Variants in RABGAP1 observed in about 807,000 individuals in gnomAD.
The protein encoded by RABGAP1 is RAB GTPase activating protein 1.
A neutral mutation model predicts 137.6 loss-of-function variants in RABGAP1; 23 were observed. The ratio of observed to expected loss-of-function variants is 0.17; its 90% CI spans 0.12 to 0.24. The LOEUF (loss-of-function observed/expected upper bound fraction) is 0.24. Among genes scored for constraint, RABGAP1 ranks in the 10% least tolerant of loss-of-function variants. The pLI is 1.00. For synonymous variants in RABGAP1, 451 were observed against 450.7 expected (o/e 1.00, Z -0.01); for missense variants, 906 against 1,275.8 (o/e 0.71, Z 4.42).
chr9:122,957,224 C>A lies in RABGAP1; in HGVS notation c.150+15C>A. The A allele has an allele frequency of 1.3e-6, 2 of 1,493,942 alleles. No individual in the cohort carries two copies. Among genetic ancestry groups the A allele is most frequent in the Non-Finnish European group, 1.8e-6 (2 of 1,100,698 alleles). 92.5% of individuals were successfully genotyped at this position (1,493,942 alleles called of 1,614,324 possible). Reference sequence around the variant, plus strand: ...CAGGACTCAAGGTAAAACTCCCTAACCTAAGATTGTTTTGCTTAGCTTTTC... The same window carrying A: ...CAGGACTCAAGGTAAAACTCCCTAAACTAAGATTGTTTTGCTTAGCTTTTC... On this transcript the variant is annotated intron_variant, in intron 2 of 25. Transcript: ENST00000373647.
chr9:123,088,544 C>G (rs1020159453), intron 19 of RABGAP1, among the ~76,000 whole-genome samples: 2 of 152,092 alleles, frequency 1.3e-5, no homozygotes, highest in Non-Finnish European at 2.9e-5. Context: ...AAAAATCAGC[C>G]AGGTGTGGTG....
Position 123,035,383 on chromosome 9 carries a change from T to C in RABGAP1, c.1794+14924T>C, listed in dbSNP as rs781755183. On this transcript the variant is annotated intron_variant, in intron 13 of 25. Coordinates refer to ENST00000373647, the MANE Select transcript of RABGAP1 (RefSeq NM_012197.4). ...CTGGTTGCCATATATCATCTACTTC[T>C]TGTTGGAAAGCTCCACTGGCCACAG... 6.8e-6 allele frequency: 11 copies of C among 1,614,064 alleles called. No individual in the cohort carries two copies. In the Admixed American group the frequency reaches 1.8e-4, roughly 27 times the overall value.
At chr9:122,993,303 C>T (rs984958805) in intron 6 of RABGAP1, among the ~76,000 whole-genome samples, 2 of 151,730 alleles carry the variant, frequency 1.3e-5, no homozygotes, top group African/African-American at 4.8e-5. Flanking sequence ...GGAGTTTTTC[C>T]TCTTGTCACT....
chr9:123,015,641 G>A lies in RABGAP1; in HGVS notation c.1643+5G>A. On this transcript the variant is annotated splice_donor_5th_base_variant and intron_variant, in intron 12 of 25. Transcript: ENST00000373647. ...GGGAGAACTGTTGTCAAAATGGTAAGTTATGATAGAATAGTTTTTTTTATC... is the reference window on the plus strand; with the variant it reads ...GGGAGAACTGTTGTCAAAATGGTAAATTATGATAGAATAGTTTTTTTTATC... 1 of 1,589,974 alleles carries A rather than the reference G, an allele frequency of 6.3e-7. No homozygotes were observed. The highest frequency in any genetic ancestry group is 8.6e-7 in the Non-Finnish European group (1 of 1,160,146).
At chr9:123,031,643 C>T (rs1340273847) in intron 13 of RABGAP1, among the ~76,000 whole-genome samples, 1 of 152,172 alleles carries the variant, frequency 6.6e-6, no homozygotes, top group Non-Finnish European at 1.5e-5. Context: ...GACTTGGTGA[C>T]TCAGAACTAA....
chr9:123,038,063 A>G (rs758536800), intron 13 of RABGAP1, among the ~76,000 whole-genome samples: 4 of 152,150 alleles, frequency 2.6e-5, no homozygotes, highest in Admixed American at 6.5e-5. Context: ...CTGATGTTAT[A>G]TTTGTAAACT....
intron 13 of RABGAP1, among the ~76,000 whole-genome samples, chr9:123,029,053 G>A (rs779697394): frequency 2.0e-5 from 3 of 152,140 alleles, no homozygotes; most frequent in East Asian, 1.9e-4. Context: ...AGCGAGACCC[G>A]TTAATAATTC....
chr9:122,973,107 C>T (rs1017967511), intron 2 of RABGAP1, among the ~76,000 whole-genome samples: 5 of 151,732 alleles, frequency 3.3e-5, no homozygotes, highest in African/African-American at 1.2e-4. Context: ...AAAAGCAGAA[C>T]ATGTATTTTC....
intron 19 of RABGAP1, among the ~76,000 whole-genome samples, chr9:123,086,405 G>T (rs2034866547): frequency 6.6e-6 from 1 of 152,166 alleles, no homozygotes; most frequent in African/African-American, 2.4e-5. Context: ...GACAGTTCTG[G>T]CCTGGAGAAG....
chr9:122,951,916 T>C (rs999961316), intron 1 of RABGAP1, among the ~76,000 whole-genome samples: 6 of 152,212 alleles, frequency 3.9e-5, no homozygotes, highest in African/African-American at 1.4e-4. Context: ...CATTTTATGC[T>C]GGGGTACATA....
chr9:122,988,258 CT>C (rs757699259), intron 4 of RABGAP1, among the ~76,000 whole-genome samples: 34 of 152,136 alleles, frequency 2.2e-4, no homozygotes, highest in Non-Finnish European at 3.5e-4. Flanking sequence ...GTGTTAGATC[CT>C]CTTCCTAGGT....
At chr9:122,983,743 G>A (rs1251186063) in intron 2 of RABGAP1, among the ~76,000 whole-genome samples, 2 of 152,066 alleles carry the variant, frequency 1.3e-5, no homozygotes, top group African/African-American at 4.8e-5. Flanking sequence ...TATTTCTTAA[G>A]CATTTAGTGA....
chr9:122,992,271 TCAAG>T (rs1238569131), intron 6 of RABGAP1, among the ~76,000 whole-genome samples: 8 of 152,182 alleles, frequency 5.3e-5, no homozygotes, highest in Admixed American at 5.2e-4. Context: ...ACTCCCGGCC[TCAAG>T]TGATCCATTT....
intron 2 of RABGAP1, among the ~76,000 whole-genome samples, chr9:122,970,939 A>G (rs1027490519): frequency 1.3e-5 from 2 of 152,224 alleles, no homozygotes; most frequent in Non-Finnish European, 2.9e-5. Context: ...CAAGGAACAA[A>G]AACAAAGAGG....
Position 123,065,439 on chromosome 9 carries a change from A to T in RABGAP1, c.1886A>T (p.Asp629Val). 6.2e-7 allele frequency: 1 copy of T among 1,605,170 alleles called. No individual in the cohort carries two copies. Among genetic ancestry groups the T allele is most frequent in the Non-Finnish European group, 8.5e-7 (1 of 1,172,010 alleles). ...AAGGACACAGGAGGAGATGGACAAGATTCCTTATATAAAATATGCAAGGTA... is the reference window on the plus strand; with the variant it reads ...AAGGACACAGGAGGAGATGGACAAGTTTCCTTATATAAAATATGCAAGGTA... ...YFKDTGGDGQ[D>V]SLYKICKAYS... Residue 629 changes from aspartate to valine, a missense_variant, in exon 14 of 26, where the codon GAT becomes GTT. Transcript: ENST00000373647.
intron 2 of RABGAP1, among the ~76,000 whole-genome samples, chr9:122,970,400 T>A (rs554103617): frequency 3.3e-5 from 5 of 152,302 alleles, no homozygotes; most frequent in Admixed American, 2.0e-4. Context: ...TGCCTGTGAA[T>A]AGCCACTGCA....
In RABGAP1 at chr9:123,073,473, T is replaced by C. The variant is rs189594341; in HGVS notation, c.1984-79T>C. ...GGCAATAATATAAAGCTGGATTTAA[T>C]ATCCTGAGAAAACTTCTGTATGTTT... is the stretch of plus-strand genomic sequence containing the variant. On this transcript the variant is annotated intron_variant, in intron 15 of 25. Transcript: ENST00000373647. 2.8e-4 allele frequency: 425 copies of C among 1,512,464 alleles called. No homozygotes were observed. In the African/African-American group the frequency reaches 5.3e-3, roughly 19 times the overall value. 93.7% of individuals were successfully genotyped at this position (1,512,464 alleles called of 1,614,324 possible). A position where few individuals can be genotyped will look rare whatever the true frequency, so the allele number is the denominator to read the frequency against.
chr9:123,033,818 C>T (rs937615976), intron 13 of RABGAP1: 80 of 152,168 alleles, frequency 5.3e-4, no homozygotes, highest in African/African-American at 1.8e-3. Flanking sequence ...ATATTGGAAT[C>T]AATGAAGAAA....
intron 19 of RABGAP1, among the ~76,000 whole-genome samples, chr9:123,084,085 C>T (rs756736850): frequency 6.6e-6 from 1 of 152,292 alleles, no homozygotes; most frequent in South Asian, 2.1e-4. Context: ...TGATGTGAGC[C>T]ATCTGTGATA....
Sources: gnomAD v4.1 joint callset for allele counts (sites outside exome capture counted in the v4.1 genomes callset) on GRCh38, gnomAD v4.1.1 for gene constraint, MANE v1.5 for transcripts, NCBI Gene and HGNC (gene_info 2026-07-23, HGNC 2026-07-21) for gene names.